Variants in MDFIC2 observed in about 807,000 individuals in gnomAD.
MDFIC2 encodes the protein myoD family inhibitor domain-containing protein 2.
At chr3:70,283,092 T>A (rs1394295082) in intron 2 of MDFIC2, among the ~76,000 whole-genome samples, 1 of 152,134 alleles carries the variant, frequency 6.6e-6, no homozygotes, top group African/African-American at 2.4e-5. Flanking sequence ...CCAATAGGTC[T>A]TGGGTATATT....
At chr3:70,249,401 A>G (rs747700557) in intron 2 of MDFIC2, among the ~76,000 whole-genome samples, 2 of 152,154 alleles carry the variant, frequency 1.3e-5, no homozygotes, top group Non-Finnish European at 2.9e-5. Flanking sequence ...ATTGGAATGC[A>G]ATTTAGGAGA....
chr3:70,250,409 TCTCA>T (rs199541070), intron 2 of MDFIC2, among the ~76,000 whole-genome samples: 19,963 of 126,180 alleles, frequency 0.16, 1,424 homozygotes, highest in South Asian at 0.25. Context: ...TTTTAATGAA[TCTCA>T]CACACACACA....
chr3:70,282,299 A>G (rs1043388673), intron 2 of MDFIC2, among the ~76,000 whole-genome samples: 8 of 152,142 alleles, frequency 5.3e-5, no homozygotes, highest in Non-Finnish European at 1.0e-4. Flanking sequence ...CACACCACTT[A>G]AGAAGATGTA....
At chr3:70,250,409 T>TCA (rs1491108341) in intron 2 of MDFIC2, among the ~76,000 whole-genome samples, 2,749 of 126,280 alleles carry the variant, frequency 0.022, 75 homozygotes, top group African/African-American at 0.074. Context: ...TTTTAATGAA[T>TCA]CTCACACACA....
intron 2 of MDFIC2, among the ~76,000 whole-genome samples, chr3:70,208,247 G>A (rs1441167471): frequency 1.3e-5 from 2 of 152,008 alleles, no homozygotes; most frequent in African/African-American, 4.8e-5. Flanking sequence ...CATTGTTAAC[G>A]CAATGCCTGG....
chr3:70,293,487 G>A (rs1488801581), intron 2 of MDFIC2, among the ~76,000 whole-genome samples: 1 of 152,100 alleles, frequency 6.6e-6, no homozygotes, highest in Non-Finnish European at 1.5e-5. Flanking sequence ...CACAGGCGAT[G>A]CTGATCCTAC....
intron 3 of MDFIC2, among the ~76,000 whole-genome samples, chr3:70,198,671 T>G (rs945702987): frequency 6.6e-6 from 1 of 152,216 alleles, no homozygotes; most frequent in South Asian, 2.1e-4. Flanking sequence ...ATGACTGTTA[T>G]GACTACTTTA....
chr3:70,264,495 T>C lies in MDFIC2; in HGVS notation c.88+47391A>G, dbSNP rs1176408817. 3.3e-5 allele frequency among the ~76,000 whole-genome samples: 5 copies of C among 152,328 alleles called. No homozygotes were observed. In the Middle Eastern group the frequency reaches 0.014, roughly 414 times the overall value. On this transcript the variant is annotated intron_variant, in intron 2 of 3. Transcript: ENST00000567252. ...TGCCTGAGTCCACATGACCAGCATA[T>C]TCTCTCCCTGTTAGAGAATAACCAT...
intron 2 of MDFIC2, among the ~76,000 whole-genome samples, chr3:70,255,157 CAAA>C (rs1575607771): frequency 6.6e-6 from 1 of 152,052 alleles, no homozygotes; most frequent in Non-Finnish European, 1.5e-5. Context: ...CCTTTGGTAT[CAAA>C]GAAGTTAATT....
intron 3 of MDFIC2, among the ~76,000 whole-genome samples, chr3:70,203,663 GTAATCATTT>G (rs1701264703): frequency 6.6e-6 from 1 of 152,052 alleles, no homozygotes; most frequent in African/African-American, 2.4e-5. Context: ...TGTAGAAAAT[GTAATCATTT>G]TATTCAGTAG....
chr3:70,213,794 C>T (rs932326401), intron 2 of MDFIC2, among the ~76,000 whole-genome samples: 3 of 152,030 alleles, frequency 2.0e-5, no homozygotes, highest in Non-Finnish European at 2.9e-5. Context: ...CATGATCAAA[C>T]GTGGTGAAAA....
chr3:70,274,989 A>G (rs896772748), intron 2 of MDFIC2, among the ~76,000 whole-genome samples: 1 of 152,140 alleles, frequency 6.6e-6, no homozygotes, highest in African/African-American at 2.4e-5. Flanking sequence ...ATCTGTGAGA[A>G]TGAAGATTCT....
rs1228258362 is a variant in MDFIC2, at chr3:70,289,706, C to G, written c.88+22180G>C. On this transcript the variant is annotated intron_variant, in intron 2 of 3. Transcript: ENST00000567252. The stretch of plus-strand genomic sequence containing the variant: ...TCACTTTCAGGTACACCAATCAGAC[C>G]TAGATTTGGTCTTTTCACATAGTCC... Among the ~76,000 whole-genome samples, 78 of 152,174 alleles carry G rather than the reference C, an allele frequency of 5.1e-4. 2 individuals are homozygous for G. The South Asian group carries it at 0.014, about 28-fold the overall frequency.
intron 3 of MDFIC2, among the ~76,000 whole-genome samples, chr3:70,197,940 T>A (rs1337980427): frequency 6.6e-6 from 1 of 152,190 alleles, no homozygotes; most frequent in Non-Finnish European, 1.5e-5. Flanking sequence ...TCTAAGGCAT[T>A]GAAGGTAACT....
chr3:70,298,130 T>A (rs1336201292), intron 2 of MDFIC2, among the ~76,000 whole-genome samples: 1 of 152,134 alleles, frequency 6.6e-6, no homozygotes, highest in Non-Finnish European at 1.5e-5. Context: ...CAGATAAGGA[T>A]ATTTGAAAAT....
At chr3:70,274,096 C>T (rs11915742) in intron 2 of MDFIC2, among the ~76,000 whole-genome samples, 133,976 of 149,216 alleles carry the variant, frequency 0.9, 59,965 homozygotes, top group African/African-American at 0.94. Flanking sequence ...TGTGTGCGCG[C>T]GCGCATGTGT....
At chr3:70,257,008 T>C (rs1283448804) in intron 2 of MDFIC2, among the ~76,000 whole-genome samples, 1 of 152,034 alleles carries the variant, frequency 6.6e-6, no homozygotes, top group Non-Finnish European at 1.5e-5. Flanking sequence ...GCAAGTCCAG[T>C]GGTGGAGAGA....
At chr3:70,233,954 G>A (rs763221845) in intron 2 of MDFIC2, among the ~76,000 whole-genome samples, 7 of 152,104 alleles carry the variant, frequency 4.6e-5, no homozygotes, top group Non-Finnish European at 8.8e-5. Context: ...GAAAATTCCC[G>A]TGCAAGTTTT....
chr3:70,229,738 C>T lies in MDFIC2; in HGVS notation c.89-22948G>A, dbSNP rs72943309. Among the ~76,000 whole-genome samples the T allele has an allele frequency of 8.6e-3, 1,304 of 152,270 alleles. 25 individuals are homozygous for T. Among genetic ancestry groups the T allele is most frequent in the African/African-American group, 0.03 (1,265 of 41,546 alleles). On this transcript the variant is annotated intron_variant, in intron 2 of 3. Transcript: ENST00000567252. Reference sequence around the variant, plus strand: ...AAAAGCCTGGATCCCTGAGTCACCACATGGTGGAAAGCAACCTAGGGATAT... The same window carrying T: ...AAAAGCCTGGATCCCTGAGTCACCATATGGTGGAAAGCAACCTAGGGATAT...
Sources: gnomAD v4.1 joint callset for allele counts (sites outside exome capture counted in the v4.1 genomes callset) on GRCh38, gnomAD v4.1.1 for gene constraint, MANE v1.5 for transcripts, NCBI Gene and HGNC (gene_info 2026-07-23, HGNC 2026-07-21) for gene names.